The following MEMO1 variants were observed in gnomAD, a reference collection of about 807,000 sequenced individuals.
MEMO1 encodes mediator of cell motility 1, also known as protein MEMO1.
A neutral mutation model predicts 45.2 loss-of-function variants in MEMO1; 6 were observed. That is an observed-to-expected ratio of 0.13 (90% CI 0.07 to 0.26). MEMO1 has a LOEUF of 0.26. Ranked by LOEUF, MEMO1 falls within the 10% of genes least tolerant of loss-of-function variation. The pLI, the probability that MEMO1 is intolerant of heterozygous loss-of-function variation, is 1.00. For synonymous variants in MEMO1, 78 were observed against 124.3 expected (o/e 0.63, Z 2.48); for missense variants, 184 against 370.5 (o/e 0.50, Z 4.13).
At chr2:31,906,278 C>T (rs187560991) in intron 6 of MEMO1, among the ~76,000 whole-genome samples, 2 of 151,446 alleles carry the variant, frequency 1.3e-5, no homozygotes, top group East Asian at 3.9e-4. Context: ...CCAAGGAGTG[C>T]TATTCTTTTG....
intron 6 of MEMO1, among the ~76,000 whole-genome samples, chr2:31,914,961 TAAAAAAAAAA>T (rs34556047): frequency 8.3e-6 from 1 of 120,220 alleles, no homozygotes. Flanking sequence ...TGTCTCTTTT[TAAAAAAAAAA>T]AAAAAAAAAA....
chr2:31,870,709 T>C (rs894740652), intron 8 of MEMO1, among the ~76,000 whole-genome samples: 1 of 152,098 alleles, frequency 6.6e-6, no homozygotes, highest in African/African-American at 2.4e-5. Flanking sequence ...CCTGAGTAAC[T>C]GGGATTACAG....
chr2:31,967,784 T>A (rs920010054), intron 2 of MEMO1, among the ~76,000 whole-genome samples: 8 of 152,240 alleles, frequency 5.3e-5, no homozygotes, highest in African/African-American at 1.9e-4. Flanking sequence ...TAATAGATTT[T>A]TGAAAATGTG....
chr2:31,925,239 A>G (rs1302011679), intron 4 of MEMO1, among the ~76,000 whole-genome samples: 1 of 152,076 alleles, frequency 6.6e-6, no homozygotes, highest in Non-Finnish European at 1.5e-5. Flanking sequence ...GCACTTTGGG[A>G]GGCTGAAGCA....
intron 4 of MEMO1, chr2:31,923,827 C>T (rs779376728): frequency 1.3e-5 from 18 of 1,359,972 alleles, no homozygotes; most frequent in African/African-American, 1.5e-5. Context: ...TAATAAGGTT[C>T]TAACAATAGC....
chr2:31,926,376 GAAAAA>G (rs35245442), intron 4 of MEMO1, among the ~76,000 whole-genome samples: 1 of 120,216 alleles, frequency 8.3e-6, no homozygotes, highest in Admixed American at 8.5e-5. Flanking sequence ...TCTCAAAAGG[GAAAAA>G]AAAAAAAAAA....
intron 1 of MEMO1, among the ~76,000 whole-genome samples, 159 bp downstream of exon 1, chr2:32,010,783 G>A (rs556797238): frequency 1.3e-3 from 204 of 151,648 alleles, no homozygotes; most frequent in African/African-American, 4.4e-3. Context: ...CCGGCCGCGC[G>A]GCGAGGTTAA....
intron 2 of MEMO1, among the ~76,000 whole-genome samples, chr2:32,000,608 C>T (rs963400081): frequency 4.6e-4 from 70 of 152,070 alleles, no homozygotes; most frequent in African/African-American, 1.5e-3. Flanking sequence ...TCAAGTGATC[C>T]GCCCTCCTCG....
At chr2:31,927,945 A>G (rs1259132453) in intron 4 of MEMO1, among the ~76,000 whole-genome samples, 2 of 152,204 alleles carry the variant, frequency 1.3e-5, no homozygotes, top group Non-Finnish European at 2.9e-5. Context: ...TCATTATCAT[A>G]TGCTTAATAT....
At chr2:31,992,733 G>A (rs746715492) in intron 2 of MEMO1, among the ~76,000 whole-genome samples, 6 of 152,104 alleles carry the variant, frequency 3.9e-5, no homozygotes, top group Admixed American at 6.5e-5. Context: ...GCAGTGAGCC[G>A]AGATCGTGCC....
At chr2:31,994,566 G>A (rs1361044796) in intron 2 of MEMO1, among the ~76,000 whole-genome samples, 2 of 151,698 alleles carry the variant, frequency 1.3e-5, no homozygotes, top group Non-Finnish European at 2.9e-5. Flanking sequence ...GGGAGGTGGA[G>A]GTTGCAGTGA....
At chr2:31,896,078 C>T (rs943976060) in intron 6 of MEMO1, among the ~76,000 whole-genome samples, 3 of 151,808 alleles carry the variant, frequency 2.0e-5, no homozygotes, top group African/African-American at 4.8e-5. Context: ...CTCCTGACCT[C>T]GTGATCCGCC....
intron 6 of MEMO1, among the ~76,000 whole-genome samples, chr2:31,901,750 T>C (rs554017600): frequency 5.9e-5 from 9 of 151,540 alleles, no homozygotes; most frequent in Admixed American, 1.3e-4. Flanking sequence ...CTACTAAAAA[T>C]ACAAAAAAAT....
intron 2 of MEMO1, among the ~76,000 whole-genome samples, chr2:31,952,711 G>A (rs1197081272): frequency 6.6e-6 from 1 of 151,922 alleles, no homozygotes; most frequent in African/African-American, 2.4e-5. Flanking sequence ...ATTTTTGCTT[G>A]CTATTTTTTC....
intron 3 of MEMO1, among the ~76,000 whole-genome samples, chr2:31,932,874 GATA>G (rs1359284392): frequency 6.6e-6 from 1 of 152,052 alleles, no homozygotes; most frequent in Non-Finnish European, 1.5e-5. Context: ...CGAAGACAAA[GATA>G]ATTATTCTCG....
chr2:31,899,994 C>T (rs1448370801), intron 6 of MEMO1, among the ~76,000 whole-genome samples: 3 of 152,198 alleles, frequency 2.0e-5, no homozygotes, highest in African/African-American at 7.2e-5. Context: ...CATCTCACAC[C>T]AGTTAGAATG....
chr2:31,993,683 C>T (rs953497648), intron 2 of MEMO1, among the ~76,000 whole-genome samples: 1 of 152,158 alleles, frequency 6.6e-6, no homozygotes, highest in African/African-American at 2.4e-5. Context: ...CAAAGAAACT[C>T]TTCTGGGGAA....
intron 3 of MEMO1, among the ~76,000 whole-genome samples, chr2:31,941,860 G>A (rs1261772441): frequency 3.3e-5 from 5 of 152,068 alleles, no homozygotes; most frequent in East Asian, 3.9e-4. Context: ...TATATAAAAT[G>A]CCTACCATTA....
At chr2:31,980,445 T>C (rs1670503863) in intron 2 of MEMO1, among the ~76,000 whole-genome samples, 1 of 152,032 alleles carries the variant, frequency 6.6e-6, no homozygotes, top group Non-Finnish European at 1.5e-5. Flanking sequence ...TAAAAATAAA[T>C]ATATAATTTT....
Sources: allele counts gnomAD v4.1 joint callset (sites outside exome capture counted in the v4.1 genomes callset), GRCh38; gene constraint gnomAD v4.1.1; transcripts MANE v1.5; gene names NCBI Gene and HGNC (gene_info 2026-07-23, HGNC 2026-07-21).